FANCC: variants seen among roughly 807,000 people sequenced by gnomAD.
FANCC encodes Fanconi anemia group C protein.
FANCC carries 55 observed loss-of-function variants against 71.3 expected under a neutral mutation model. That is an observed-to-expected ratio of 0.77 (90% CI 0.62 to 0.97). The LOEUF is 0.97. Ranked by LOEUF, FANCC falls within the 50% of genes least tolerant of loss-of-function variation. The pLI, the probability that FANCC is intolerant of heterozygous loss-of-function variation, is 0.00. For missense variants in FANCC, 678 were observed against 670.9 expected, an observed-to-expected ratio of 1.01 and a Z score of -0.12; for synonymous variants, 275 against 244.9, an observed-to-expected ratio of 1.12 and a Z score of -1.15.
chr9:95,152,901 C>T (rs544669637), intron 6 of FANCC, among the ~76,000 whole-genome samples: 6 of 151,950 alleles, frequency 3.9e-5, no homozygotes, highest in Non-Finnish European at 8.8e-5. Context: ...TTGGGTTACA[C>T]ACTAAATACA....
chr9:95,232,294 T>C (rs1239870604), intron 4 of FANCC, among the ~76,000 whole-genome samples: 10 of 152,144 alleles, frequency 6.6e-5, no homozygotes, highest in Non-Finnish European at 7.4e-5. Context: ...ACCCTCAACA[T>C]TGGAGATTAC....
At position 95,111,501 on chromosome 9, in the gene FANCC, CGTA is replaced by C. The variant is rs1210997135; in HGVS notation, c.1288_1290del (p.Tyr430del). On this transcript the variant is annotated inframe_deletion, in exon 13 of 15. Coordinates refer to ENST00000289081, the MANE Select transcript of FANCC (RefSeq NM_000136.3). ...CTCTGCTGCCTCCCATCACGGGGGC[CGTA>C]GTAGAAGGCCAAGAGCCACAGCAGG... 6 of 1,613,834 alleles carry C rather than the reference CGTA, an allele frequency of 3.7e-6. No homozygotes were observed. Among genetic ancestry groups the C allele is most frequent in the Admixed American group, 3.3e-5 (2 of 60,004 alleles).
At chr9:95,272,719 A>G (rs998802290) in intron 1 of FANCC, among the ~76,000 whole-genome samples, 2 of 152,140 alleles carry the variant, frequency 1.3e-5, no homozygotes, top group African/African-American at 4.8e-5. Context: ...CAAAACAACA[A>G]CAAAAAAATT....
intron 7 of FANCC, among the ~76,000 whole-genome samples, chr9:95,140,260 C>T (rs577523639): frequency 6.6e-6 from 1 of 152,154 alleles, no homozygotes; most frequent in Admixed American, 6.5e-5. Flanking sequence ...CTGCCATGAG[C>T]CAGGGAAGCC....
intron 6 of FANCC, among the ~76,000 whole-genome samples, chr9:95,169,167 C>A (rs1457427837): frequency 6.6e-6 from 1 of 152,034 alleles, no homozygotes. Flanking sequence ...AAATCATATG[C>A]TGAGGTTGCT....
At chr9:95,124,151 T>C (rs887619218) in intron 10 of FANCC, among the ~76,000 whole-genome samples, 1 of 143,736 alleles carries the variant, frequency 7.0e-6, no homozygotes, top group Non-Finnish European at 1.5e-5. Context: ...GGCTAAAACC[T>C]GAGAGATCTA....
At chr9:95,214,011 A>G (rs934692460) in intron 4 of FANCC, among the ~76,000 whole-genome samples, 2 of 152,236 alleles carry the variant, frequency 1.3e-5, no homozygotes, top group Admixed American at 6.5e-5. Flanking sequence ...TCCAAACATG[A>G]CATACAAATA....
In FANCC at chr9:95,240,737, C is replaced by T; in HGVS notation, c.257G>A (p.Ser86Asn). The T allele has an allele frequency of 1.2e-6, 2 of 1,600,440 alleles. No homozygotes were observed. The highest frequency in any genetic ancestry group is 2.2e-5 in the South Asian group (2 of 90,436). The change falls in exon 4 of 15, where the codon AGC (serine) becomes AAC (asparagine). Residue 86 changes from serine (S) to asparagine (N), a missense_variant. By Grantham distance (46) the Ser-to-Asn change is conservative. Transcript: ENST00000289081. ...TAAGCACCATATTAGAATTTTTTGGCTTTCATCTACAAAAAGGAAAACTTA... is the reference window on the plus strand; with the variant it reads ...TAAGCACCATATTAGAATTTTTTGGTTTTCATCTACAAAAAGGAAAACTTA... Reference protein sequence around the residue: ...WNPFILAYDESQKILIWCLCC... With the variant: ...WNPFILAYDENQKILIWCLCC...
chr9:95,141,985 G>T lies in FANCC; in HGVS notation c.687-6483C>A, dbSNP rs796644688. ...TAGTAATATGTTAACAGTTTGTGGG[G>T]TTTTTTTTTTTTTTTTTTTTTTTTG... On this transcript the variant is annotated intron_variant, in intron 7 of 14. Transcript: ENST00000289081. 5.3e-3 allele frequency among the ~76,000 whole-genome samples: 440 copies of T among 83,234 alleles called. 3 individuals are homozygous for T. Among genetic ancestry groups the T allele is most frequent in the South Asian group, 0.013 (26 of 2,072 alleles). The allele number at this position is 83,234 out of a possible 152,430, so 54.6% of individuals were successfully genotyped here.
intron 1 of FANCC, among the ~76,000 whole-genome samples, chr9:95,277,658 TA>T (rs568217017): frequency 1.1e-3 from 163 of 152,222 alleles, no homozygotes; most frequent in African/African-American, 3.8e-3. Flanking sequence ...GAGAAAGTCT[TA>T]AAAGCAGAAA....
chr9:95,160,309 G>C (rs1441042086), intron 6 of FANCC, among the ~76,000 whole-genome samples: 2 of 151,868 alleles, frequency 1.3e-5, no homozygotes, highest in East Asian at 3.8e-4. Flanking sequence ...TCTTGCTTTT[G>C]TCAGGTTTGT....
intron 4 of FANCC, among the ~76,000 whole-genome samples, chr9:95,216,464 C>T (rs943727472): frequency 6.6e-6 from 1 of 152,148 alleles, no homozygotes; most frequent in Non-Finnish European, 1.5e-5. Context: ...ACCTGAACAA[C>T]ACTATTATTG....
chr9:95,119,657 C>T (rs1350709678), intron 10 of FANCC, among the ~76,000 whole-genome samples: 1 of 151,984 alleles, frequency 6.6e-6, no homozygotes, highest in Non-Finnish European at 1.5e-5. Flanking sequence ...AGCCACCGTG[C>T]CTGGCCTGCT....
chr9:95,143,130 CTTTACT>C (rs771571739), intron 7 of FANCC, among the ~76,000 whole-genome samples: 4 of 152,190 alleles, frequency 2.6e-5, no homozygotes, highest in Non-Finnish European at 5.9e-5. Context: ...CAGGAAGACA[CTTTACT>C]TGCCATTACC....
intron 4 of FANCC, among the ~76,000 whole-genome samples, chr9:95,209,972 T>C (rs1828388317): frequency 6.6e-6 from 1 of 152,108 alleles, no homozygotes; most frequent in Non-Finnish European, 1.5e-5. Context: ...CTACTGTTTG[T>C]AACAGCAAAA....
chr9:95,106,858 A>G (rs937917712), intron 14 of FANCC, among the ~76,000 whole-genome samples: 18 of 152,130 alleles, frequency 1.2e-4, no homozygotes, highest in African/African-American at 4.3e-4. Flanking sequence ...CCTGTCTCTG[A>G]GCCTCTGTTT....
In FANCC at chr9:95,315,555, C is replaced by T. The variant is rs137915401; in HGVS notation, c.-79+1971G>A. 1.8e-3 allele frequency among the ~76,000 whole-genome samples: 280 copies of T among 152,348 alleles called. 2 individuals carry two copies. The highest frequency in any genetic ancestry group is 3.3e-3 in the Admixed American group (50 of 15,304). ...CTGAATTGCCTTTCCTTCTCCACTT[C>T]TGCATTTTTATTAAAACATTGCAAA... is the stretch of plus-strand genomic sequence containing the variant. On this transcript the variant is annotated intron_variant, in intron 1 of 14. Transcript: ENST00000289081.
intron 1 of FANCC, among the ~76,000 whole-genome samples, chr9:95,299,512 C>T (rs1834592410): frequency 6.6e-6 from 1 of 152,184 alleles, no homozygotes; most frequent in Non-Finnish European, 1.5e-5. Flanking sequence ...GGTTTTATCC[C>T]TTAGTCAATA....
intron 1 of FANCC, among the ~76,000 whole-genome samples, chr9:95,268,458 T>C (rs1385204707): frequency 6.6e-6 from 1 of 152,240 alleles, no homozygotes; most frequent in Non-Finnish European, 1.5e-5. Flanking sequence ...CCTGTATTCC[T>C]TCATCACTTC....
Sources: allele counts gnomAD v4.1 joint callset (sites outside exome capture counted in the v4.1 genomes callset), GRCh38; gene constraint gnomAD v4.1.1; transcripts MANE v1.5; gene names NCBI Gene and HGNC (gene_info 2026-07-23, HGNC 2026-07-21).